Variants in IRS1 observed in about 807,000 individuals in gnomAD.
IRS1 encodes the protein insulin receptor substrate 1.
In IRS1, 34 loss-of-function variants were observed where a neutral mutation model predicts 65.6. The ratio of observed to expected loss-of-function variants is 0.52; its 90% CI spans 0.39 to 0.69. The LOEUF (loss-of-function observed/expected upper bound fraction) is 0.69, where lower values mean the gene tolerates loss of function less well. Ranked by LOEUF, IRS1 falls within the 30% of genes least tolerant of loss-of-function variation. IRS1 has a pLI of 0.00. For missense variants in IRS1, 1,641 were observed against 1,720.2 expected (o/e 0.95, Z 0.81); for synonymous variants, 699 against 683.5 (o/e 1.02, Z -0.35).
At chr2:226,793,780 C>G (rs1939653951) in intron 1 of IRS1, among the ~76,000 whole-genome samples, 1 of 152,202 alleles carries the variant, frequency 6.6e-6, no homozygotes, top group African/African-American at 2.4e-5. Context: ...ATGCTGGAAA[C>G]TTCTGCATTG....
At position 226,794,994 on chromosome 2, in the gene IRS1, G is replaced by A. The variant is rs756502280; in HGVS notation, c.*16C>T. 3 of 1,613,002 alleles carry A rather than the reference G, an allele frequency of 1.9e-6. No individual in the cohort carries two copies. Among genetic ancestry groups the A allele is most frequent in the Non-Finnish European group, 8.5e-7 (1 of 1,179,838 alleles). The stretch of plus-strand genomic sequence containing the variant: ...TTTGTCACCATGAAACGCACCTGCT[G>A]TGATGTCCAGTTGAGCTACTGACGG... On this transcript the variant is annotated 3_prime_UTR_variant, in exon 1 of 2. Transcript: ENST00000305123. The surrounding 1 kb of genome is among the most constrained non-coding windows in gnomAD (Gnocchi z 4.1).
chr2:226,771,409 G>A (rs1186211292), intron 1 of IRS1, among the ~76,000 whole-genome samples: 3 of 152,116 alleles, frequency 2.0e-5, no homozygotes, highest in Non-Finnish European at 4.4e-5. Context: ...AAAATGAGGA[G>A]AGGAACAAAG....
chr2:226,768,318 A>T (rs1271061496), intron 1 of IRS1, among the ~76,000 whole-genome samples: 1 of 152,146 alleles, frequency 6.6e-6, no homozygotes, highest in Non-Finnish European at 1.5e-5. Context: ...GAAACCTACT[A>T]TCTGTCTGAT....
Position 226,788,483 on chromosome 2 carries a change from A to C in IRS1, c.*21+6506T>G, listed in dbSNP as rs184892677. 1.1e-3 allele frequency among the ~76,000 whole-genome samples: 164 copies of C among 152,274 alleles called. 5 individuals are homozygous for C. Among genetic ancestry groups the C allele is most frequent in the Admixed American group, 0.011 (163 of 15,304 alleles). On this transcript the variant is annotated intron_variant, in intron 1 of 1. Transcript: ENST00000305123. ...GAATAAGCACAAATAACATTTATCC[A>C]ACCAAATTTATTTCAACAAATAGAT...
intron 1 of IRS1, among the ~76,000 whole-genome samples, chr2:226,737,633 A>G (rs146929841): frequency 1.3e-5 from 2 of 152,334 alleles, no homozygotes; most frequent in African/African-American, 4.8e-5. Flanking sequence ...TCATAAATAC[A>G]TGGCATGTGA....
intron 1 of IRS1, among the ~76,000 whole-genome samples, chr2:226,738,099 T>A (rs1938365194): frequency 6.6e-6 from 1 of 152,160 alleles, no homozygotes. Flanking sequence ...GAGGACTTTA[T>A]CTAATTATAG....
intron 1 of IRS1, among the ~76,000 whole-genome samples, chr2:226,791,631 G>A (rs1055617120): frequency 6.6e-6 from 1 of 151,894 alleles, no homozygotes; most frequent in Admixed American, 6.5e-5. Flanking sequence ...AAGCGGCCCA[G>A]GGACGCCCGC....
chr2:226,737,531 C>T (rs1026073831), intron 1 of IRS1, among the ~76,000 whole-genome samples: 6 of 152,140 alleles, frequency 3.9e-5, no homozygotes, highest in South Asian at 2.1e-4. Context: ...TGAATGAGTA[C>T]GTGGTTGCAC....
chr2:226,768,928 C>A (rs1277042964), intron 1 of IRS1, among the ~76,000 whole-genome samples: 2 of 152,174 alleles, frequency 1.3e-5, no homozygotes, highest in Non-Finnish European at 2.9e-5. Flanking sequence ...AGCCACCGCA[C>A]CCAGCGAATC....
In IRS1 at chr2:226,796,673, A is replaced by C. The variant is rs1318450794; in HGVS notation, c.2066T>G (p.Val689Gly). The change falls in exon 1 of 2, where the codon GTC becomes GGC. Residue 689 changes from valine (V) to glycine (G), a missense_variant. Val to Gly is a moderately radical substitution (Grantham distance 109, BLOSUM62 -3). This residue lies in a region of IRS1 where 1,324 missense variants were observed against 1,361.0 expected (regional missense o/e 0.97). Transcript: ENST00000305123. The part of the protein sequence containing the change: ...PSSSSSSSNA[V>G]PSGTSYGKLW... ...CTTTCCATAGCTGGTCCCGGAAGGG[A>C]CGGCGTTGCTGCTGCTGCTGCTGCT... 6.2e-7 allele frequency: 1 copy of C among 1,613,214 alleles called. No individual in the cohort carries two copies. Among genetic ancestry groups the C allele is most frequent in the African/African-American group, 1.3e-5 (1 of 74,732 alleles).
Position 226,797,698 on chromosome 2 carries a change from C to T in IRS1, c.1041G>A (p.Val347=). ...SRPASVDGSP[V]SPSTNRTHAH... Reference sequence around the variant, plus strand: ...CGTGGGTTCTGTTGGTGCTGGGACTCACAGGGCTGCCGTCCACCGAGGCTG... The same window carrying T: ...CGTGGGTTCTGTTGGTGCTGGGACTTACAGGGCTGCCGTCCACCGAGGCTG... The change falls in exon 1 of 2, where the codon GTG becomes GTA. Residue 347 remains valine, a synonymous_variant. Transcript: ENST00000305123. This position sits in a 1 kb window ranked among gnomAD's most constrained non-coding sequence, Gnocchi z 8.1. 1 of 1,597,760 alleles carries T rather than the reference C, an allele frequency of 6.3e-7. No individual in the cohort carries two copies. The highest frequency in any genetic ancestry group is 8.5e-7 in the Non-Finnish European group (1 of 1,178,886).
chr2:226,755,627 G>A (rs901874663), intron 1 of IRS1, among the ~76,000 whole-genome samples: 1 of 152,238 alleles, frequency 6.6e-6, no homozygotes, highest in African/African-American at 2.4e-5. Flanking sequence ...CTCTGAAGCT[G>A]GATGAAACTA....
In IRS1 at chr2:226,794,875, A is replaced by G. The variant is rs1176158722; in HGVS notation, c.*21+114T>C. On this transcript the variant is annotated intron_variant, in intron 1 of 1. Transcript: ENST00000305123. This position sits in a 1 kb window ranked among gnomAD's most constrained non-coding sequence, Gnocchi z 4.1. ...TTGTGTGCCCTGAGAATGTAAGTGC[A>G]TTCTCCCTGAGGAAGCAGTGGGAAA... The G allele has an allele frequency of 4.3e-6, 4 of 931,666 alleles. No individual in the cohort carries two copies. The African/African-American group carries it at 6.5e-5, about 15-fold the overall frequency. 57.7% of individuals were successfully genotyped at this position (931,666 alleles called of 1,614,324 possible). A position where few individuals can be genotyped will look rare whatever the true frequency, so the allele number is the denominator to read the frequency against.
At position 226,732,640 on chromosome 2, in the gene IRS1, A is replaced by C. The variant is rs1938246956; in HGVS notation, c.*3632T>G. The C allele has an allele frequency of 6.6e-6, 1 of 151,150 alleles. No individual in the cohort carries two copies. The highest frequency in any genetic ancestry group is 3.2e-3 in the Middle Eastern group (1 of 312). The allele number at this position is 151,150 out of a possible 1,614,324, so 9.4% of individuals were successfully genotyped here. Reference sequence around the variant, plus strand: ...CATCCCACACACACGTCACATATATATACACACACACAAAGACACACACAT... The same window carrying C: ...CATCCCACACACACGTCACATATATCTACACACACACAAAGACACACACAT... On this transcript the variant is annotated 3_prime_UTR_variant, in exon 2 of 2. Coordinates refer to ENST00000305123, the MANE Select transcript of IRS1 (RefSeq NM_005544.3).
rs779691277 is a variant in IRS1 at position 226,796,433 on chromosome 2, C to A, written c.2306G>T (p.Arg769Ile). The A allele has an allele frequency of 6.2e-7, 1 of 1,613,728 alleles. No individual in the cohort carries two copies. The highest frequency in any genetic ancestry group is 1.1e-5 in the South Asian group (1 of 91,092). The change falls in exon 1 of 2, where the codon AGA (arginine) becomes ATA (isoleucine). Residue 769 changes from arginine (R) to isoleucine (I), a missense_variant. Transcript: ENST00000305123. The part of the protein sequence containing the change: ...KPVLSYYSLP[R>I]SFKHTQRPGE... ...GGGGCGCTGGGTGTGCTTAAAGGAT[C>A]TTGGCAATGAGTAGTAGGAGAGGAC...
chr2:226,797,414 A>G lies in IRS1; in HGVS notation c.1325T>C (p.Phe442Ser), dbSNP rs1286394006. The change falls in exon 1 of 2, where the codon TTC becomes TCC. Residue 442 changes from phenylalanine (F) to serine (S), a missense_variant. Transcript: ENST00000305123. The surrounding 1 kb of genome is among the most constrained non-coding windows in gnomAD (Gnocchi z 8.1). ...GSSPCDFRSSFRSVTPDSLGH... is the reference protein window; with the variant it reads ...GSSPCDFRSSSRSVTPDSLGH... ...CAGGGAATCCGGAGTGACACTGCGG[A>G]AGGAACTCCGGAAATCGCAGGGACT... 6.2e-7 allele frequency: 1 copy of G among 1,612,600 alleles called. No individual in the cohort carries two copies. Among genetic ancestry groups the G allele is most frequent in the Admixed American group, 1.7e-5 (1 of 59,962 alleles).
intron 1 of IRS1, among the ~76,000 whole-genome samples, chr2:226,759,134 C>G (rs1462490134): frequency 6.6e-6 from 1 of 152,154 alleles, no homozygotes; most frequent in Non-Finnish European, 1.5e-5. Flanking sequence ...CCTCAAAACA[C>G]AAATAAAAGT....
At chr2:226,747,309 T>C (rs1290710650) in intron 1 of IRS1, among the ~76,000 whole-genome samples, 1 of 152,118 alleles carries the variant, frequency 6.6e-6, no homozygotes, top group Admixed American at 6.5e-5. Flanking sequence ...ATCCTAACCC[T>C]CAACATGATG....
At chr2:226,746,670 A>C (rs1050872397) in intron 1 of IRS1, among the ~76,000 whole-genome samples, 5 of 151,820 alleles carry the variant, frequency 3.3e-5, no homozygotes, top group Non-Finnish European at 7.4e-5. Context: ...TCATCTTTCA[A>C]GTCTTACTTC....
Sources: allele counts gnomAD v4.1 joint callset (sites outside exome capture counted in the v4.1 genomes callset), GRCh38; gene constraint gnomAD v4.1.1; regional missense constraint gnomAD v4.1.1; non-coding constraint Gnocchi (gnomAD v3.1); transcripts MANE v1.5; gene names NCBI Gene and HGNC (gene_info 2026-07-23, HGNC 2026-07-21).